Variants in POMGNT1 observed in about 807,000 individuals in gnomAD.
The protein encoded by POMGNT1 is protein O-linked mannose N-acetylglucosaminyltransferase 1 (beta 1,2-).
Under a neutral mutation model 95.6 loss-of-function variants are expected in POMGNT1, and 67 were observed. That is an observed-to-expected ratio of 0.70 (90% CI 0.58 to 0.86). The LOEUF is 0.86. Ranked by LOEUF, POMGNT1 falls within the 40% of genes least tolerant of loss-of-function variation. POMGNT1 has a pLI of 0.00. For synonymous variants in POMGNT1, 298 were observed against 317.9 expected (o/e 0.94, Z 0.66); for missense variants, 719 against 855.2 (o/e 0.84, Z 1.99).
chr1:46,214,561 A>C (rs956023099), intron 1 of POMGNT1, among the ~76,000 whole-genome samples: 1 of 152,090 alleles, frequency 6.6e-6, no homozygotes, highest in Non-Finnish European at 1.5e-5. Flanking sequence ...GAAAAGAAAA[A>C]AGAAAAACCA....
At chr1:46,212,621 A>G (rs1291204099) in intron 1 of POMGNT1, among the ~76,000 whole-genome samples, 1 of 138,164 alleles carries the variant, frequency 7.2e-6, no homozygotes. Flanking sequence ...CTGTCACCCA[A>G]GCTATAGTAC....
At position 46,189,029 on chromosome 1, in the gene POMGNT1, A is replaced by G; in HGVS notation, c.*241T>C. The G allele has an allele frequency of 6.4e-7, 1 of 1,574,122 alleles. No homozygotes were observed. The highest frequency in any genetic ancestry group is 8.6e-7 in the Non-Finnish European group (1 of 1,161,626). ...GGCAGGATGAGCTGCTAGGGATCGT[A>G]ATGATTCCCAGGTACTCTCCTGCCC... On this transcript the variant is annotated 3_prime_UTR_variant, in exon 22 of 22. Coordinates refer to ENST00000371984, the MANE Select transcript of POMGNT1 (RefSeq NM_017739.4).
At chr1:46,209,555 T>C (rs1658828654) in intron 1 of POMGNT1, among the ~76,000 whole-genome samples, 2 of 150,448 alleles carry the variant, frequency 1.3e-5, no homozygotes, top group Non-Finnish European at 3.0e-5. Flanking sequence ...TTTTCTTTTT[T>C]TTTTTTTGAG....
At chr1:46,189,703 G>GA in intron 20 of POMGNT1, 136 bp from the exon 21 acceptor site, 1 of 1,546,622 alleles carries the variant, frequency 6.5e-7, no homozygotes, top group South Asian at 1.2e-5. Flanking sequence ...TTTAGAATAT[G>GA]AATTTGGACA....
chr1:46,195,967 G>T, intron 5 of POMGNT1, 43 bp from the exon 6 acceptor site: 1 of 1,614,170 alleles, frequency 6.2e-7, no homozygotes, highest in East Asian at 2.2e-5. Context: ...TCATCAGCAA[G>T]AGCCCAGCTC....
intron 1 of POMGNT1, among the ~76,000 whole-genome samples, chr1:46,212,985 C>T (rs1371778811): frequency 2.0e-5 from 3 of 151,554 alleles, no homozygotes; most frequent in South Asian, 2.1e-4. Flanking sequence ...AGGATGGTCT[C>T]GATCTCCTGA....
At chr1:46,203,286 T>G, upstream of POMGNT1, 1 of 534,314 alleles carries the variant, frequency 1.9e-6, no homozygotes, top group Non-Finnish European at 3.1e-6. Context: ...TTTCTGAGTG[T>G]TACGGCGCCC....
chr1:46,200,878 T>C (rs1211182445), upstream of POMGNT1, among the ~76,000 whole-genome samples: 1 of 152,268 alleles, frequency 6.6e-6, no homozygotes, highest in Non-Finnish European at 1.5e-5. Context: ...GGCTCATGCC[T>C]GTAATCCCGG....
rs374338433 is a variant in POMGNT1, at chr1:46,189,835, G to A, written c.1785+19C>T. 1.9e-6 allele frequency: 3 copies of A among 1,613,466 alleles called. No individual in the cohort carries two copies. The highest frequency in any genetic ancestry group is 2.5e-6 in the Non-Finnish European group (3 of 1,179,966). The stretch of plus-strand genomic sequence containing the variant: ...GTGAGGGGGAGGGGTTCTCCAGGGT[G>A]GGCATGGTATTGGAGCACCTTGGCA... On this transcript the variant is annotated intron_variant, in intron 20 of 21. Coordinates refer to ENST00000371984, the MANE Select transcript of POMGNT1 (RefSeq NM_017739.4).
chr1:46,216,438 C>A (rs1174202600), intron 1 of POMGNT1, among the ~76,000 whole-genome samples: 1 of 152,084 alleles, frequency 6.6e-6, no homozygotes. Flanking sequence ...ACCCCCCAGG[C>A]TCAAGCAATC....
At chr1:46,201,693 A>C (rs1186107930), upstream of POMGNT1, among the ~76,000 whole-genome samples, 1 of 126,664 alleles carries the variant, frequency 7.9e-6, no homozygotes, top group Non-Finnish European at 1.7e-5. Flanking sequence ...GTGAGACTCC[A>C]TCTCAAAAAA....
Position 46,192,127 on chromosome 1 carries a change from C to A in POMGNT1, c.1510G>T (p.Val504Phe), listed in dbSNP as rs17102066. Residue 504 changes from valine (V) to phenylalanine (F), a missense_variant, in exon 17 of 22, where the codon GTC becomes TTC. Around this residue, in one of 5 missense-constraint regions of POMGNT1, gnomAD observed 118 missense variants for 153.6 expected, o/e 0.77. Coordinates refer to ENST00000371984, the MANE Select transcript of POMGNT1 (RefSeq NM_017739.4). ...AAGTAGCCATTCATGTTGAGGCCGA[C>A]GATGCCAAAGTGGTAGGATCGGGAA... ...DVSRSYHFGI[V>F]GLNMNGYFHE... 3 of 1,614,108 alleles carry A rather than the reference C, an allele frequency of 1.9e-6. No homozygotes were observed. Among genetic ancestry groups the A allele is most frequent in the South Asian group, 1.1e-5 (1 of 91,082 alleles).
chr1:46,197,254 C>T (rs1658320507), intron 2 of POMGNT1, 170 bp from the exon 3 acceptor site: 1 of 1,537,824 alleles, frequency 6.5e-7, no homozygotes, highest in African/African-American at 1.4e-5. Flanking sequence ...TTCACAGCCA[C>T]TTTCCCCAGG....
intron 1 of POMGNT1, among the ~76,000 whole-genome samples, chr1:46,204,157 C>G (rs545648044): frequency 4.5e-4 from 68 of 152,286 alleles, no homozygotes; most frequent in African/African-American, 1.5e-3. Flanking sequence ...ATCCCCCAGC[C>G]CTACTTAAAA....
rs867634501 is a variant in POMGNT1 at position 46,191,967 on chromosome 1, G to A, written c.1539+131C>T. 2.1e-6 allele frequency: 3 copies of A among 1,398,078 alleles called. No homozygotes were observed. The Middle Eastern group carries it at 5.9e-4, about 273-fold the overall frequency. 86.6% of individuals were successfully genotyped at this position (1,398,078 alleles called of 1,614,324 possible). A position where few individuals can be genotyped will look rare whatever the true frequency, so the allele number is the denominator to read the frequency against. On this transcript the variant is annotated intron_variant, in intron 17 of 21. Transcript: ENST00000371984. Reference sequence around the variant, plus strand: ...TCATTTTTCAGATAAAGAAACTGAGGCAAAAATAGGATAGCTCTTTCCCCA... The same window carrying A: ...TCATTTTTCAGATAAAGAAACTGAGACAAAAATAGGATAGCTCTTTCCCCA...
At chr1:46,219,077 A>T (rs1277492282) in intron 1 of POMGNT1, among the ~76,000 whole-genome samples, 1 of 152,058 alleles carries the variant, frequency 6.6e-6, no homozygotes, top group East Asian at 1.9e-4. Context: ...TGGGCGGATC[A>T]CCTAAGGTCA....
intron 2 of POMGNT1, chr1:46,197,406 G>C (rs2148221176): frequency 6.7e-7 from 1 of 1,490,232 alleles, no homozygotes; most frequent in East Asian, 2.7e-5. Context: ...CCCAAGCGGG[G>C]GATCAGACCT....
rs1177405149 is a variant in POMGNT1 at position 46,192,893 on chromosome 1, C to G, written c.1211+7G>C. 2 of 1,614,004 alleles carry G rather than the reference C, an allele frequency of 1.2e-6. No homozygotes were observed. On this transcript the variant is annotated splice_region_variant and intron_variant, in intron 14 of 21. Transcript: ENST00000371984. The stretch of plus-strand genomic sequence containing the variant: ...GACCTCAACTGAAACCTAGAGACTC[C>G]CCTCACCTGAAAAAATCCACAGCAA...
At position 46,192,179 on chromosome 1, in the gene POMGNT1, C is replaced by T. The variant is rs765493853; in HGVS notation, c.1458G>A (p.Arg486=). ...DMWMRMPEQR[R]GRECIIPDVS... ...CGTCAGGGATGATGCACTCTCGGCC[C>T]CGGCGTTGTTCAGGCATCCGCATCC... is the stretch of plus-strand genomic sequence containing the variant. The change falls in exon 17 of 22, where the codon CGG becomes CGA. Residue 486 remains arginine, a synonymous_variant. Coordinates refer to ENST00000371984, the MANE Select transcript of POMGNT1 (RefSeq NM_017739.4). 17 of 1,614,070 alleles carry T rather than the reference C, an allele frequency of 1.1e-5. No individual in the cohort carries two copies. The highest frequency in any genetic ancestry group is 1.4e-5 in the Non-Finnish European group (16 of 1,180,048).
Sources: allele counts gnomAD v4.1 joint callset (sites outside exome capture counted in the v4.1 genomes callset), GRCh38; gene constraint gnomAD v4.1.1; regional missense constraint gnomAD v4.1.1; transcripts MANE v1.5; gene names NCBI Gene and HGNC (gene_info 2026-07-23, HGNC 2026-07-21).